SNX32: variants seen among roughly 807,000 people sequenced by gnomAD.
SNX32 encodes the protein sorting nexin-32.
A neutral mutation model predicts 57.0 loss-of-function variants in SNX32; 58 were observed. The ratio of observed to expected loss-of-function variants is 1.02; its 90% CI spans 0.82 to 1.27. The LOEUF is 1.27. Among genes scored for constraint, SNX32 ranks in the 50% most tolerant of loss-of-function variants. SNX32 has a pLI of 0.00. For synonymous variants in SNX32, 262 were observed against 220.4 expected, an observed-to-expected ratio of 1.19 and a Z score of -1.67; for missense variants, 589 against 541.2, an observed-to-expected ratio of 1.09 and a Z score of -0.88.
intron 1 of SNX32, among the ~76,000 whole-genome samples, chr11:65,838,763 CATAGATTA>C (rs1858740109): frequency 6.6e-6 from 1 of 152,006 alleles, no homozygotes; most frequent in African/African-American, 2.4e-5. Flanking sequence ...AAGACGAAAT[CATAGATTA>C]TATACTCTGA....
intron 1 of SNX32, among the ~76,000 whole-genome samples, chr11:65,838,263 T>C (rs1452007460): frequency 6.6e-6 from 1 of 152,068 alleles, no homozygotes; most frequent in Admixed American, 6.6e-5. Flanking sequence ...GATGAAAGAC[T>C]TGATTCCACA....
intron 12 of SNX32, 115 bp downstream of exon 12, chr11:65,853,073 G>T: frequency 7.8e-7 from 1 of 1,290,008 alleles, no homozygotes; most frequent in Non-Finnish European, 1.1e-6. Context: ...GTATGCGCGT[G>T]TGTGTGCATG....
chr11:65,839,942 T>A (rs906113440), intron 1 of SNX32, among the ~76,000 whole-genome samples: 2 of 151,840 alleles, frequency 1.3e-5, no homozygotes, highest in Non-Finnish European at 2.9e-5. Flanking sequence ...GCGGATCACC[T>A]GAGGTCAGGA....
At chr11:65,839,483 C>G (rs909621714) in intron 1 of SNX32, among the ~76,000 whole-genome samples, 3 of 149,930 alleles carry the variant, frequency 2.0e-5, no homozygotes, top group Non-Finnish European at 4.4e-5. Flanking sequence ...CCCGCCTCGG[C>G]CTCCCAAAGT....
Position 65,850,235 on chromosome 11 carries a change from G to A in SNX32, c.338G>A (p.Arg113Gln), listed in dbSNP as rs762972313. Residue 113 changes from arginine (R) to glutamine (Q), a missense_variant, in exon 4 of 13, where the codon CGG becomes CAG. Physicochemically the swap from Arg to Gln is conservative, Grantham distance 43 (BLOSUM62 1). Coordinates refer to ENST00000308342, the MANE Select transcript of SNX32 (RefSeq NM_152760.3). ...GGCGAGGGGGACAGCTCTGTCACTC[G>A]GGAAGAGTTTGCCAAGATGAAGCAG... ...KLGEGDSSVTREEFAKMKQEL... is the reference protein window; with the variant it reads ...KLGEGDSSVTQEEFAKMKQEL... The A allele has an allele frequency of 5.9e-5, 95 of 1,614,072 alleles. No individual in the cohort carries two copies. Among genetic ancestry groups the A allele is most frequent in the Admixed American group, 1.0e-4 (6 of 60,012 alleles).
At chr11:65,853,203 G>A in intron 12 of SNX32, 79 bp from the exon 13 acceptor site, 1 of 1,590,378 alleles carries the variant, frequency 6.3e-7, no homozygotes, top group Non-Finnish European at 8.6e-7. Context: ...TGGGGAGCGA[G>A]GGAGCATCTA....
intron 1 of SNX32, among the ~76,000 whole-genome samples, chr11:65,847,034 T>A (rs1859020229): frequency 6.6e-6 from 1 of 150,958 alleles, no homozygotes; most frequent in Non-Finnish European, 1.5e-5. Context: ...TTTAGACAGT[T>A]TCTCACTCTG....
intron 1 of SNX32, among the ~76,000 whole-genome samples, chr11:65,836,347 A>C (rs2134686776): frequency 6.6e-6 from 1 of 152,320 alleles, no homozygotes; most frequent in South Asian, 2.1e-4. Flanking sequence ...ATTCAAGACT[A>C]GCCTGGCCAA....
chr11:65,842,949 CAAAAA>C (rs922615169), intron 1 of SNX32, among the ~76,000 whole-genome samples: 2 of 41,236 alleles, frequency 4.9e-5, no homozygotes, highest in African/African-American at 8.0e-5. Flanking sequence ...AACTCCATCT[CAAAAA>C]AAAAAAAAAA....
At chr11:65,852,298 C>G (rs921068890) in intron 9 of SNX32, among the ~76,000 whole-genome samples, 167 bp from the exon 10 acceptor site, 1 of 152,164 alleles carries the variant, frequency 6.6e-6, no homozygotes. Flanking sequence ...AGACTAGATC[C>G]CACTTCCTCT....
intron 1 of SNX32, among the ~76,000 whole-genome samples, chr11:65,846,618 A>C (rs945011674): frequency 1.3e-5 from 2 of 151,608 alleles, no homozygotes; most frequent in Admixed American, 1.3e-4. Context: ...TAGAAGTCAG[A>C]ATGGTGGTTA....
Position 65,849,386 on chromosome 11 carries a change from G to A in SNX32, c.37-92G>A, listed in dbSNP as rs1010587155. 8 of 925,464 alleles carry A rather than the reference G, an allele frequency of 8.6e-6. No individual in the cohort carries two copies. The Admixed American group carries it at 1.1e-4, about 12-fold the overall frequency. The allele number at this position is 925,464 out of a possible 1,614,324, so 57.3% of individuals were successfully genotyped here. On this transcript the variant is annotated intron_variant, in intron 1 of 12. Transcript: ENST00000308342. ...GCATTGCTGAAGCAGTGCTGCTGAA[G>A]AGGGTTCTGCAGGTGGATCAGAAAG... is the stretch of plus-strand genomic sequence containing the variant.
intron 1 of SNX32, among the ~76,000 whole-genome samples, chr11:65,835,272 G>A (rs138265063): frequency 5.6e-5 from 8 of 144,060 alleles, no homozygotes; most frequent in Non-Finnish European, 9.0e-5. Flanking sequence ...AAAGGGACCC[G>A]TCACTGTCAC....
rs148184660 is a variant in SNX32 at position 65,849,954 on chromosome 11, C to T, written c.176C>T (p.Ser59Leu). 239 of 1,597,402 alleles carry T rather than the reference C, an allele frequency of 1.5e-4. No homozygotes were observed. The African/African-American group carries it at 2.4e-3, about 16-fold the overall frequency. ...CLPHFAQTEF[S>L]VVRQHEEFIW... ...CCTCACTTCGCCCAGACCGAGTTCT[C>T]AGTCGTGCGGCAGCACGAGGAGTTC... is the stretch of plus-strand genomic sequence containing the variant. Residue 59 changes from serine to leucine, a missense_variant, in exon 3 of 13, where the codon TCA (serine) becomes TTA (leucine). Transcript: ENST00000308342.
chr11:65,852,839 C>T (rs1333742416), intron 11 of SNX32, 34 bp from the exon 12 acceptor site: 3 of 1,613,824 alleles, frequency 1.9e-6, no homozygotes, highest in Non-Finnish European at 2.5e-6. Context: ...CCCTGCCCTG[C>T]CCGGATCCCC....
rs1384717330 is a variant in SNX32, at chr11:65,834,007, A to T, written c.-59A>T. The stretch of plus-strand genomic sequence containing the variant: ...ACTCGGTCAGTTCCTCGGGCGAGTT[A>T]CGGGGACGACCTGCGGGAGCACGCG... On this transcript the variant is annotated 5_prime_UTR_variant, in exon 1 of 13. Transcript: ENST00000308342. 1 of 1,541,598 alleles carries T rather than the reference A, an allele frequency of 6.5e-7. No individual in the cohort carries two copies. Among genetic ancestry groups the T allele is most frequent in the Non-Finnish European group, 8.8e-7 (1 of 1,140,302 alleles).
intron 1 of SNX32, among the ~76,000 whole-genome samples, chr11:65,847,255 G>C (rs1008114751): frequency 1.3e-5 from 2 of 151,998 alleles, no homozygotes; most frequent in African/African-American, 2.4e-5. Context: ...CTGGGCTCAA[G>C]CAATTCTCCT....
At chr11:65,838,807 A>G (rs1858741498) in intron 1 of SNX32, among the ~76,000 whole-genome samples, 1 of 152,192 alleles carries the variant, frequency 6.6e-6, no homozygotes, top group Non-Finnish European at 1.5e-5. Context: ...GAATCAAAAC[A>G]AAAACATAAC....
Position 65,852,707 on chromosome 11 carries a change from G to T in SNX32, c.990G>T (p.Arg330Ser). 1 of 1,598,948 alleles carries T rather than the reference G, an allele frequency of 6.3e-7. No homozygotes were observed. Residue 330 changes from arginine (R) to serine (S), a missense_variant, in exon 11 of 13, where the codon AGG becomes AGT. Transcript: ENST00000308342. ...AGGCGCTGGACAAGGCGCGCACCAG[G>T]AACCGGGAGGTGCGGCCCGCCGAGA... ...ANKALDKART[R>S]NREVRPAESH...
Sources: allele counts gnomAD v4.1 joint callset (sites outside exome capture counted in the v4.1 genomes callset), GRCh38; gene constraint gnomAD v4.1.1; transcripts MANE v1.5; gene names NCBI Gene and HGNC (gene_info 2026-07-23, HGNC 2026-07-21).